Variants in AADACL4 observed in about 807,000 individuals in gnomAD.
The protein encoded by AADACL4 is arylacetamide deacetylase-like 4.
AADACL4 carries 9 observed loss-of-function variants against 14.1 expected under a neutral mutation model. The observed-to-expected ratio is 0.64, with a 90% CI of 0.39 to 1.12. The LOEUF is 1.12. Among genes scored for constraint, AADACL4 ranks in the 50% most tolerant of loss-of-function variants. The pLI is 0.01. For missense variants in AADACL4, 531 were observed against 516.1 expected (o/e 1.03, Z -0.28); for synonymous variants, 188 against 201.6 (o/e 0.93, Z 0.57).
chr1:12,660,006 A>G (rs955381142), intron 2 of AADACL4, among the ~76,000 whole-genome samples: 1 of 152,138 alleles, frequency 6.6e-6, no homozygotes, highest in Non-Finnish European at 1.5e-5. Flanking sequence ...ATTTGTAGAG[A>G]CGGCATTTCC....
At chr1:12,649,951 C>T (rs1647135278) in intron 1 of AADACL4, among the ~76,000 whole-genome samples, 1 of 152,214 alleles carries the variant, frequency 6.6e-6, no homozygotes, top group East Asian at 1.9e-4. Context: ...CAACCCTGGG[C>T]AAGGAACTTG....
chr1:12,659,087 G>C (rs900364188), intron 2 of AADACL4, among the ~76,000 whole-genome samples: 1 of 152,182 alleles, frequency 6.6e-6, no homozygotes, highest in Non-Finnish European at 1.5e-5. Context: ...GGACACATAC[G>C]AGAAAAATTT....
chr1:12,658,393 A>G (rs1460796800), intron 2 of AADACL4, among the ~76,000 whole-genome samples: 1 of 151,790 alleles, frequency 6.6e-6, no homozygotes. Context: ...CAAGCAGCTG[A>G]GATTACAGGC....
chr1:12,660,893 C>T (rs183533709), intron 2 of AADACL4, among the ~76,000 whole-genome samples: 22 of 152,154 alleles, frequency 1.4e-4, no homozygotes, highest in Admixed American at 1.2e-3. Flanking sequence ...CCACCCACCT[C>T]GGCCTCCCAA....
chr1:12,651,424 A>T, intron 2 of AADACL4, 85 bp downstream of exon 2: 1 of 1,382,724 alleles, frequency 7.2e-7, no homozygotes, highest in Non-Finnish European at 1.0e-6. Flanking sequence ...GAACCCTTCT[A>T]CAGTAGCTTA....
chr1:12,652,163 A>C (rs946585115), intron 2 of AADACL4, among the ~76,000 whole-genome samples: 2 of 152,118 alleles, frequency 1.3e-5, no homozygotes, highest in African/African-American at 4.8e-5. Flanking sequence ...AGAGCTTGTC[A>C]GTCCTGCACT....
rs1647234028 is a variant in AADACL4 at position 12,661,852 on chromosome 1, T to G, written c.447T>G (p.Ile149Met). Residue 149 changes from isoleucine (I) to methionine (M), a missense_variant and splice_region_variant, in exon 3 of 4, where the codon ATT (isoleucine) becomes ATG (methionine). Transcript: ENST00000376221. ...ARETESVLLM[I>M]GYRKLPDHHS... ...AGACTGAATCTGTACTTCTGATGAT[T>G]GGGTGAGTTTCTGGAGACAGCTGGT... 1 of 1,614,008 alleles carries G rather than the reference T, an allele frequency of 6.2e-7. No homozygotes were observed. The highest frequency in any genetic ancestry group is 1.7e-5 in the Admixed American group (1 of 59,996).
At chr1:12,645,645 C>A (rs1370336004) in intron 1 of AADACL4, among the ~76,000 whole-genome samples, 1 of 152,038 alleles carries the variant, frequency 6.6e-6, no homozygotes, top group Admixed American at 6.6e-5. Context: ...TGGGCTCAAG[C>A]GATCCTTTCC....
Position 12,661,810 on chromosome 1 carries a change from C to G in AADACL4, c.405C>G (p.Cys135Trp), listed in dbSNP as rs375470521. ...FGSLDCYHGL[C>W]NYLARETESV... ...TTGCAGATTGTTACCATGGCCTGTG[C>G]AATTATCTGGCCCGGGAGACTGAAT... The change falls in exon 3 of 4, where the codon TGC becomes TGG. Residue 135 changes from cysteine to tryptophan, a missense_variant. Transcript: ENST00000376221. The G allele has an allele frequency of 3.8e-5, 62 of 1,613,954 alleles. No homozygotes were observed. Among genetic ancestry groups the G allele is most frequent in the Non-Finnish European group, 4.9e-5 (58 of 1,180,032 alleles).
At chr1:12,645,397 A>G (rs1647105506) in intron 1 of AADACL4, among the ~76,000 whole-genome samples, 1 of 151,712 alleles carries the variant, frequency 6.6e-6, no homozygotes, top group African/African-American at 2.4e-5. Flanking sequence ...CCGAGTGCCA[A>G]TCACTGGGCT....
chr1:12,667,009 A>T lies in AADACL4; in HGVS notation c.*274A>T. ...GAAATAAATATCAAAAGGAGAAAAA[A>T]ATGCCTTTAAAAATTTCTCAAAGCC... On this transcript the variant is annotated 3_prime_UTR_variant, in exon 4 of 4. Coordinates refer to ENST00000376221, the MANE Select transcript of AADACL4 (RefSeq NM_001013630.2). 2.1e-6 allele frequency: 1 copy of T among 466,004 alleles called. No individual in the cohort carries two copies. The highest frequency in any genetic ancestry group is 3.7e-6 in the Non-Finnish European group (1 of 267,560). The allele number at this position is 466,004 out of a possible 1,614,324, so 28.9% of individuals were successfully genotyped here.
chr1:12,655,105 C>G (rs1458029881), intron 2 of AADACL4, among the ~76,000 whole-genome samples: 1 of 152,106 alleles, frequency 6.6e-6, no homozygotes, highest in African/African-American at 2.4e-5. Flanking sequence ...ACAAATGGGA[C>G]ATTCCGACAT....
intron 2 of AADACL4, among the ~76,000 whole-genome samples, chr1:12,659,434 G>T (rs75852937): frequency 1.3e-5 from 2 of 152,162 alleles, no homozygotes; most frequent in African/African-American, 4.8e-5. Context: ...GGTGAGGGCC[G>T]GGGCTAGAGG....
At chr1:12,652,685 C>A (rs887997971) in intron 2 of AADACL4, among the ~76,000 whole-genome samples, 14 of 152,138 alleles carry the variant, frequency 9.2e-5, no homozygotes, top group Middle Eastern at 3.2e-3. Flanking sequence ...CATGAAAATT[C>A]TTGGAAAAAG....
At chr1:12,662,731 T>C (rs906806982) in intron 3 of AADACL4, among the ~76,000 whole-genome samples, 1 of 152,184 alleles carries the variant, frequency 6.6e-6, no homozygotes, top group African/African-American at 2.4e-5. Context: ...CCCCTAGGCT[T>C]TGGTAGACAG....
At position 12,666,070 on chromosome 1, in the gene AADACL4, G is replaced by A. The variant is rs967595253; in HGVS notation, c.559G>A (p.Val187Ile). 1 of 1,614,114 alleles carries A rather than the reference G, an allele frequency of 6.2e-7. No homozygotes were observed. The highest frequency in any genetic ancestry group is 1.3e-5 in the African/African-American group (1 of 74,952). ...AACCTATGGGGTGGACCCCTCCAGG[G>A]TTGTGGTCTGTGGAGAAAGCGTCGG... The part of the protein sequence containing the change: ...LETYGVDPSR[V>I]VVCGESVGGA... Residue 187 changes from valine (V) to isoleucine (I), a missense_variant, in exon 4 of 4, where the codon GTT becomes ATT. Coordinates refer to ENST00000376221, the MANE Select transcript of AADACL4 (RefSeq NM_001013630.2).
chr1:12,651,983 C>T (rs866787287), intron 2 of AADACL4, among the ~76,000 whole-genome samples: 5 of 151,996 alleles, frequency 3.3e-5, no homozygotes, highest in Middle Eastern at 3.4e-3. Context: ...TGCCTGCCAC[C>T]GTGACCAGCT....
At chr1:12,662,481 T>C (rs1028941808) in intron 3 of AADACL4, among the ~76,000 whole-genome samples, 1 of 152,194 alleles carries the variant, frequency 6.6e-6, no homozygotes, top group African/African-American at 2.4e-5. Context: ...CTTCTGGTCC[T>C]ACAGGAACTA....
rs373665171 is a variant in AADACL4 at position 12,666,768 on chromosome 1, A to G, written c.*33A>G. On this transcript the variant is annotated 3_prime_UTR_variant, in exon 4 of 4. Transcript: ENST00000376221. ...CCTGGGGCCCCGAGGAGGAAGGGGC[A>G]AGTATGGACTCTACCAGAAACCGGG... 135 of 1,550,502 alleles carry G rather than the reference A, an allele frequency of 8.7e-5. No homozygotes were observed. The African/African-American group carries it at 1.5e-3, about 17-fold the overall frequency.
Sources: allele counts gnomAD v4.1 joint callset (sites outside exome capture counted in the v4.1 genomes callset), GRCh38; gene constraint gnomAD v4.1.1; transcripts MANE v1.5; gene names NCBI Gene and HGNC (gene_info 2026-07-23, HGNC 2026-07-21).